The following CRY1 variants were observed in gnomAD, a reference collection of about 807,000 sequenced individuals.
The protein encoded by CRY1 is cryptochrome circadian regulator 1.
Under a neutral mutation model 76.0 loss-of-function variants are expected in CRY1, and 45 were observed. The observed-to-expected ratio is 0.59, with a 90% CI of 0.47 to 0.76. The LOEUF is 0.76. Among genes scored for constraint, CRY1 ranks in the 30% least tolerant of loss-of-function variants. The pLI, the probability that CRY1 is intolerant of heterozygous loss-of-function variation, is 0.00. For synonymous variants in CRY1, 248 were observed against 244.0 expected (o/e 1.02, Z -0.15); for missense variants, 587 against 716.4 (o/e 0.82, Z 2.06).
intron 1 of CRY1, among the ~76,000 whole-genome samples, chr12:107,039,365 A>G (rs1016596805): frequency 1.3e-5 from 2 of 152,248 alleles, no homozygotes; most frequent in Non-Finnish European, 2.9e-5. Flanking sequence ...AGCAAAGGAA[A>G]CTATCAACAG....
At chr12:107,072,991 G>C (rs939366511) in intron 1 of CRY1, 15 of 152,206 alleles carry the variant, frequency 9.9e-5, no homozygotes, top group African/African-American at 3.4e-4. Context: ...CCATCATTTT[G>C]TGGAAAATGA....
chr12:107,082,598 G>A (rs1953340903), intron 1 of CRY1, among the ~76,000 whole-genome samples: 1 of 152,004 alleles, frequency 6.6e-6, no homozygotes, highest in African/African-American at 2.4e-5. Flanking sequence ...GTGACTACTG[G>A]GTAAATAAAG....
chr12:107,064,634 TTAGAAA>T (rs80139869), intron 1 of CRY1, among the ~76,000 whole-genome samples: 17,739 of 151,878 alleles, frequency 0.12, 1,656 homozygotes, highest in African/African-American at 0.25. Flanking sequence ...ACAGAATAAC[TTAGAAA>T]TAGAAATGGG....
chr12:107,001,868 T>G lies in CRY1; in HGVS notation c.491A>C (p.Glu164Ala). The G allele has an allele frequency of 6.2e-7, 1 of 1,600,642 alleles. No homozygotes were observed. The highest frequency in any genetic ancestry group is 8.5e-7 in the Non-Finnish European group (1 of 1,176,942). ...QTLISKMEPLEIPVETITSEV... is the reference protein window; with the variant it reads ...QTLISKMEPLAIPVETITSEV... ...TGAAGTAATTGTCTCTACTGGTATC[T>G]CTAGTGGTTCCATTTTGCTGATGAG... The change falls in exon 4 of 13, where the codon GAG becomes GCG. Residue 164 changes from glutamate (E) to alanine (A), a missense_variant. Glu to Ala is a moderately radical substitution (Grantham distance 107, BLOSUM62 -1). Transcript: ENST00000008527.
At chr12:106,992,920 T>C (rs1333126532) in intron 11 of CRY1, 30 bp from the exon 12 acceptor site, 4 of 1,613,818 alleles carry the variant, frequency 2.5e-6, no homozygotes, top group East Asian at 2.2e-5. Context: ...ATGTTTAAGA[T>C]AGGAAAAGGA....
chr12:106,997,739 C>A, intron 8 of CRY1, 49 bp from the exon 9 acceptor site: 1 of 1,598,104 alleles, frequency 6.3e-7, no homozygotes, highest in Non-Finnish European at 8.6e-7. Flanking sequence ...TCTAAGCAAA[C>A]TATAACTACT....
At chr12:107,000,349 T>C (rs1158176158) in intron 5 of CRY1, among the ~76,000 whole-genome samples, 2 of 151,602 alleles carry the variant, frequency 1.3e-5, no homozygotes, top group African/African-American at 4.9e-5. Context: ...CTTCAATCTC[T>C]CTCTCTTTTT....
chr12:107,036,700 G>T (rs527669943), intron 1 of CRY1, among the ~76,000 whole-genome samples: 3 of 151,456 alleles, frequency 2.0e-5, no homozygotes, highest in Non-Finnish European at 4.4e-5. Context: ...CACTCACTCT[G>T]TTCCAGCCAC....
rs867685689 is a variant in CRY1, at chr12:107,093,334, C to G, written c.-373G>C. 12 of 199,190 alleles carry G rather than the reference C, an allele frequency of 6.0e-5. No homozygotes were observed. Among genetic ancestry groups the G allele is most frequent in the Non-Finnish European group, 8.1e-5 (8 of 99,104 alleles). 12.3% of individuals were successfully genotyped at this position (199,190 alleles called of 1,614,324 possible). A position where few individuals can be genotyped will look rare whatever the true frequency, so the allele number is the denominator to read the frequency against. On this transcript the variant is annotated 5_prime_UTR_variant, in exon 1 of 13. Transcript: ENST00000008527. Reference sequence around the variant, plus strand: ...CCGGCACGGACGGCCCCAGGAGATTCGTCACGGAAACCTCGCCCCACCAAG... The same window carrying G: ...CCGGCACGGACGGCCCCAGGAGATTGGTCACGGAAACCTCGCCCCACCAAG...
rs780562361 is a variant in CRY1 at position 107,092,889 on chromosome 12, T to C, written c.73A>G (p.Ile25Val). 8 of 1,609,992 alleles carry C rather than the reference T, an allele frequency of 5.0e-6. No homozygotes were observed. In the African/African-American group the frequency reaches 9.4e-5, roughly 19 times the overall value. The change falls in exon 1 of 13, where the codon ATT becomes GTT. Residue 25 changes from isoleucine (I) to valine (V), a missense_variant. Physicochemically the swap from Ile to Val is conservative, Grantham distance 29. Coordinates refer to ENST00000008527, the MANE Select transcript of CRY1 (RefSeq NM_004075.5). ...CAGCGGATGGTGTCGGCGCCCTGAATGCACTCCTTCAGGGCGGGGTTGTCG... is the reference window on the plus strand; with the variant it reads ...CAGCGGATGGTGTCGGCGCCCTGAACGCACTCCTTCAGGGCGGGGTTGTCG... ...LHDNPALKEC[I>V]QGADTIRCVY...
At chr12:107,033,443 C>A (rs917290628) in intron 1 of CRY1, among the ~76,000 whole-genome samples, 7 of 152,092 alleles carry the variant, frequency 4.6e-5, no homozygotes, top group African/African-American at 1.4e-4. Context: ...CAAAACCAGA[C>A]AAAGACAGTA....
chr12:107,061,660 G>T (rs1953049124), intron 1 of CRY1, among the ~76,000 whole-genome samples: 1 of 152,098 alleles, frequency 6.6e-6, no homozygotes, highest in South Asian at 2.1e-4. Context: ...AGGATCACAG[G>T]CATGAGCCAC....
chr12:106,992,674 G>T, intron 12 of CRY1, 113 bp downstream of exon 12: 2 of 952,358 alleles, frequency 2.1e-6, no homozygotes, highest in Non-Finnish European at 3.1e-6. Flanking sequence ...AAAAATTAAT[G>T]CCTCAAGATT....
At chr12:106,996,971 C>A (rs2136818843) in intron 10 of CRY1, among the ~76,000 whole-genome samples, 1 of 152,290 alleles carries the variant, frequency 6.6e-6, no homozygotes, top group Admixed American at 6.5e-5. Context: ...AGTTGCCATA[C>A]ACCTAAGGAG....
At chr12:107,028,360 C>T (rs975361828) in intron 1 of CRY1, among the ~76,000 whole-genome samples, 5 of 152,002 alleles carry the variant, frequency 3.3e-5, no homozygotes, top group African/African-American at 7.2e-5. Context: ...ATTTGTGATA[C>T]ACACTTTCCC....
At chr12:106,993,161 T>C (rs1952198794) in intron 10 of CRY1, 125 bp from the exon 11 acceptor site, 1 of 859,478 alleles carries the variant, frequency 1.2e-6, no homozygotes, top group East Asian at 2.7e-5. Flanking sequence ...TAAGACTAAA[T>C]CTCAATCTTC....
rs183266140 is a variant in CRY1 at position 107,056,027 on chromosome 12, T to C, written c.159-33835A>G. 9.8e-5 allele frequency among the ~76,000 whole-genome samples: 15 copies of C among 152,292 alleles called. 1 individual carries two copies. Among genetic ancestry groups the C allele is most frequent in the Admixed American group, 4.6e-4 (7 of 15,296 alleles). ...AAAGAGTTGGCAAGACAATAAGGAA[T>C]TCCCAAACCAAAAGCTAAGTCGAAC... On this transcript the variant is annotated intron_variant, in intron 1 of 12. Coordinates refer to ENST00000008527, the MANE Select transcript of CRY1 (RefSeq NM_004075.5).
chr12:107,005,814 A>T (rs1253482654), intron 2 of CRY1, among the ~76,000 whole-genome samples: 4 of 152,092 alleles, frequency 2.6e-5, no homozygotes, highest in African/African-American at 9.7e-5. Flanking sequence ...TTAACTGAAA[A>T]ATTTGGAGAT....
intron 2 of CRY1, among the ~76,000 whole-genome samples, chr12:107,006,693 AGTGGCT>A (rs1952379508): frequency 6.3e-5 from 1 of 15,956 alleles, no homozygotes; most frequent in East Asian, 0.024. Context: ...GCTGAAGTGC[AGTGGCT>A]GAAGTGCAGT....
Sources: gnomAD v4.1 joint callset for allele counts (sites outside exome capture counted in the v4.1 genomes callset) on GRCh38, gnomAD v4.1.1 for gene constraint, MANE v1.5 for transcripts, NCBI Gene and HGNC (gene_info 2026-07-23, HGNC 2026-07-21) for gene names.